The following MAST4 variants were observed in gnomAD, a reference collection of about 807,000 sequenced individuals.
MAST4 encodes the protein microtubule-associated serine/threonine-protein kinase 4.
Under a neutral mutation model 162.7 loss-of-function variants are expected in MAST4, and 89 were observed. The ratio of observed to expected loss-of-function variants is 0.55; its 90% confidence interval spans 0.46 to 0.65. The LOEUF (loss-of-function observed/expected upper bound fraction) is 0.65, where lower values mean the gene tolerates loss of function less well. MAST4 is among the 30% of genes least tolerant of loss of function. The pLI is 0.00. For synonymous variants in MAST4, 1,479 were observed against 1,361.1 expected, an observed-to-expected ratio of 1.09 and a Z score of -1.91; for missense variants, 3,153 against 3,374.0, an observed-to-expected ratio of 0.93 and a Z score of 1.62.
intron 1 of MAST4, among the ~76,000 whole-genome samples, chr5:66,758,370 C>T (rs1561311010): frequency 1.3e-5 from 2 of 151,140 alleles, no homozygotes; most frequent in South Asian, 2.1e-4. Flanking sequence ...TTTTATAGAA[C>T]TATTATTATT....
Position 67,072,498 on chromosome 5 carries a change from A to G in MAST4, c.764-17664A>G, listed in dbSNP as rs1761107966. Reference sequence around the variant, plus strand: ...CATTTTGTTAAAATCTTTCCCCATTAATATAACACTTTATGCTACACATTC... The same window carrying G: ...CATTTTGTTAAAATCTTTCCCCATTGATATAACACTTTATGCTACACATTC... On this transcript the variant is annotated intron_variant, in intron 5 of 28. Coordinates refer to ENST00000403625, the MANE Select transcript of MAST4 (RefSeq NM_001164664.2). Among the ~76,000 whole-genome samples, 3 of 152,224 alleles carry G rather than the reference A, an allele frequency of 2.0e-5. No individual in the cohort carries two copies. The South Asian group carries it at 6.2e-4, about 31-fold the overall frequency.
intron 5 of MAST4, among the ~76,000 whole-genome samples, chr5:67,060,859 A>G (rs946789441): frequency 1.3e-5 from 2 of 152,192 alleles, no homozygotes; most frequent in Admixed American, 6.5e-5. Flanking sequence ...TAAGGGATTT[A>G]GTAAAACCTG....
chr5:66,725,214 G>A (rs1437825800), intron 1 of MAST4, among the ~76,000 whole-genome samples: 1 of 151,574 alleles, frequency 6.6e-6, no homozygotes, highest in East Asian at 1.9e-4. Context: ...TTTAAAAGAT[G>A]GCTTTATGCT....
At chr5:66,955,617 C>T (rs1456741592) in intron 4 of MAST4, among the ~76,000 whole-genome samples, 1 of 152,138 alleles carries the variant, frequency 6.6e-6, no homozygotes, top group Admixed American at 6.5e-5. Context: ...ATTTTATATA[C>T]TCTTACTCTC....
At chr5:66,621,669 T>C (rs140133208) in intron 1 of MAST4, among the ~76,000 whole-genome samples, 10 of 152,224 alleles carry the variant, frequency 6.6e-5, no homozygotes, top group African/African-American at 2.4e-4. Flanking sequence ...TACCAATTTA[T>C]TCATTCCTCC....
At chr5:66,907,198 A>T (rs1023969510) in intron 4 of MAST4, among the ~76,000 whole-genome samples, 1 of 107,856 alleles carries the variant, frequency 9.3e-6, no homozygotes, top group Admixed American at 9.2e-5. Flanking sequence ...AGAGAGAGAG[A>T]GAGAGAGAGT....
At chr5:66,800,391 A>G (rs1196807530) in intron 3 of MAST4, among the ~76,000 whole-genome samples, 1 of 152,208 alleles carries the variant, frequency 6.6e-6, no homozygotes, top group African/African-American at 2.4e-5. Flanking sequence ...TGTCCTTTGC[A>G]GAAACATGGA....
chr5:67,050,425 C>G (rs1482778032), intron 4 of MAST4, among the ~76,000 whole-genome samples: 1 of 152,182 alleles, frequency 6.6e-6, no homozygotes, highest in Non-Finnish European at 1.5e-5. Context: ...TCCATGCCTG[C>G]TCACCTCCTG....
At position 66,909,520 on chromosome 5, in the gene MAST4, C is replaced by A. The variant is rs77070469; in HGVS notation, c.674+9538C>A. On this transcript the variant is annotated intron_variant, in intron 4 of 28. Coordinates refer to ENST00000403625, the MANE Select transcript of MAST4 (RefSeq NM_001164664.2). ...TTAAGACAAGTCTGACTGAAAATAT[C>A]TTTATTTCGTAAACAAGGAACCAAT... 3.5e-3 allele frequency among the ~76,000 whole-genome samples: 540 copies of A among 152,244 alleles called. 6 individuals carry two copies. Among genetic ancestry groups the A allele is most frequent in the African/African-American group, 0.012 (512 of 41,524 alleles).
chr5:66,607,008 C>G (rs1742937238), intron 1 of MAST4, among the ~76,000 whole-genome samples: 2 of 151,804 alleles, frequency 1.3e-5, no homozygotes, highest in East Asian at 3.9e-4. Context: ...TTCACACAAG[C>G]CTTTTTGAAA....
At chr5:66,855,776 G>C (rs17215274) in intron 3 of MAST4, among the ~76,000 whole-genome samples, 15,448 of 152,210 alleles carry the variant, frequency 0.1, 1,045 homozygotes, top group Admixed American at 0.15. Context: ...GTTCTCCCAG[G>C]GGAATGGACT....
At chr5:66,783,670 G>A (rs1754980163) in intron 2 of MAST4, among the ~76,000 whole-genome samples, 1 of 152,186 alleles carries the variant, frequency 6.6e-6, no homozygotes, top group Non-Finnish European at 1.5e-5. Flanking sequence ...GGACTTTCAC[G>A]AGATGGCCAC....
At position 67,124,532 on chromosome 5, in the gene MAST4, C is replaced by T. The variant is rs533166441; in HGVS notation, c.1745+3430C>T. 7.2e-5 allele frequency among the ~76,000 whole-genome samples: 11 copies of T among 152,044 alleles called. No individual in the cohort carries two copies. In the East Asian group the frequency reaches 7.7e-4, roughly 11 times the overall value. ...ACTAAATAAACAAATTTCAACATGA[C>T]GAGTAATATGCCCAAAGCAATACAG... On this transcript the variant is annotated intron_variant, in intron 14 of 28. Transcript: ENST00000403625.
chr5:67,154,676 A>C (rs1772271393), intron 26 of MAST4, among the ~76,000 whole-genome samples: 1 of 152,194 alleles, frequency 6.6e-6, no homozygotes, highest in South Asian at 2.1e-4. Context: ...AAACTGCTTA[A>C]ACAGTGGAGT....
chr5:66,596,397 T>TGGAGCGCAGATCGCGGACCCGAGC lies in MAST4; in HGVS notation c.-256_-233dup, dbSNP rs1389688567. ...GCTCGGGTGCAGCGCGGGAGCACAG[T>TGGAGCGCAGATCGCGGACCCGAGC]GGAGCGCAGATCGCGGACCCGAGCG... On this transcript the variant is annotated 5_prime_UTR_variant, in exon 1 of 29. Coordinates refer to ENST00000403625, the MANE Select transcript of MAST4 (RefSeq NM_001164664.2). The TGGAGCGCAGATCGCGGACCCGAGC allele has an allele frequency of 5.4e-6, 2 of 373,166 alleles. No homozygotes were observed. The highest frequency in any genetic ancestry group is 9.4e-6 in the Non-Finnish European group (2 of 211,688). 23.1% of individuals were successfully genotyped at this position (373,166 alleles called of 1,614,324 possible).
At chr5:67,127,546 G>A (rs1187163381) in intron 14 of MAST4, among the ~76,000 whole-genome samples, 1 of 152,164 alleles carries the variant, frequency 6.6e-6, no homozygotes, top group Non-Finnish European at 1.5e-5. Context: ...TTATTGATTT[G>A]CATATGTTGA....
chr5:66,857,595 G>T (rs1759783997), intron 3 of MAST4, among the ~76,000 whole-genome samples: 1 of 152,178 alleles, frequency 6.6e-6, no homozygotes, highest in Non-Finnish European at 1.5e-5. Flanking sequence ...GTGAAGTGAT[G>T]ACTTTGTTGT....
chr5:67,042,102 T>C (rs1440504115), intron 4 of MAST4, among the ~76,000 whole-genome samples: 1 of 152,208 alleles, frequency 6.6e-6, no homozygotes, highest in Non-Finnish European at 1.5e-5. Flanking sequence ...TGTAGAACAG[T>C]TACTGTATGT....
At chr5:66,674,522 AAG>A (rs1266905796) in intron 1 of MAST4, among the ~76,000 whole-genome samples, 1 of 152,226 alleles carries the variant, frequency 6.6e-6, no homozygotes, top group Non-Finnish European at 1.5e-5. Context: ...AAGCCTTGGT[AAG>A]AGAGATTAGA....
Sources: allele counts gnomAD v4.1 joint callset (sites outside exome capture counted in the v4.1 genomes callset), GRCh38; gene constraint gnomAD v4.1.1; transcripts MANE v1.5; gene names NCBI Gene and HGNC (gene_info 2026-07-23, HGNC 2026-07-21).